Variants in KAT6A observed in about 807,000 individuals in gnomAD.
KAT6A encodes histone acetyltransferase KAT6A.
In KAT6A, 9 loss-of-function variants were observed where a neutral mutation model predicts 198.4. That is an observed-to-expected ratio of 0.05 (90% CI 0.03 to 0.08). The LOEUF is 0.08. KAT6A is among the 10% of genes least tolerant of loss of function. The pLI, the probability that KAT6A is intolerant of heterozygous loss-of-function variation, is 1.00. For synonymous variants in KAT6A, 890 were observed against 883.0 expected (o/e 1.01, Z -0.14); for missense variants, 2,077 against 2,509.9 (o/e 0.83, Z 3.69).
chr8:41,930,708 G>A lies in KAT6A; in HGVS notation c.*1497C>T, dbSNP rs188069161. ...TGTGTGTGTGTGTGTGTGTGTGTGT[G>A]TGTATATATATATATATATATTTTT... On this transcript the variant is annotated 3_prime_UTR_variant, in exon 17 of 17. Transcript: ENST00000265713. 0.2 allele frequency: 15,885 copies of A among 78,068 alleles called. 1,842 individuals carry two copies. The highest frequency in any genetic ancestry group is 0.26 in the South Asian group (639 of 2,474). 4.8% of individuals were successfully genotyped at this position (78,068 alleles called of 1,614,324 possible). A position where few individuals can be genotyped will look rare whatever the true frequency, so the allele number is the denominator to read the frequency against.
chr8:41,959,627 G>A (rs1001374353), intron 8 of KAT6A, among the ~76,000 whole-genome samples: 1 of 152,154 alleles, frequency 6.6e-6, no homozygotes, highest in Admixed American at 6.5e-5. Context: ...AACCAAATGT[G>A]GTACATACGT....
chr8:41,930,921 AC>A lies in KAT6A; in HGVS notation c.*1283del, dbSNP rs1465410929. The stretch of plus-strand genomic sequence containing the variant: ...CTGTCCCTCTTCTCATTAGCCACTC[AC>A]AGGAGAGGTGCTTGTGCACTCTGAT... On this transcript the variant is annotated 3_prime_UTR_variant, in exon 17 of 17. Coordinates refer to ENST00000265713, the MANE Select transcript of KAT6A (RefSeq NM_006766.5). The A allele has an allele frequency of 4.8e-6, 1 of 209,726 alleles. No homozygotes were observed. The highest frequency in any genetic ancestry group is 9.7e-6 in the Non-Finnish European group (1 of 103,182). The allele number at this position is 209,726 out of a possible 1,614,324, so 13.0% of individuals were successfully genotyped here.
chr8:42,011,097 C>T (rs542764578), intron 2 of KAT6A, among the ~76,000 whole-genome samples: 1 of 152,304 alleles, frequency 6.6e-6, no homozygotes, highest in African/African-American at 2.4e-5. Flanking sequence ...TATGCACTAA[C>T]AAATCGCCCT....
At chr8:41,950,671 A>C (rs562596914) in intron 9 of KAT6A, among the ~76,000 whole-genome samples, 1 of 152,352 alleles carries the variant, frequency 6.6e-6, no homozygotes, top group South Asian at 2.1e-4. Flanking sequence ...AAAATGATAG[A>C]GTAAAAAACA....
At chr8:41,987,061 A>C (rs945625687) in intron 3 of KAT6A, among the ~76,000 whole-genome samples, 1 of 152,012 alleles carries the variant, frequency 6.6e-6, no homozygotes, top group Non-Finnish European at 1.5e-5. Context: ...AAAAAACCAG[A>C]CCACATATGA....
Position 41,978,628 on chromosome 8 carries a change from C to T in KAT6A, c.1043+14G>A, listed in dbSNP as rs374064489. The stretch of plus-strand genomic sequence containing the variant: ...ATCCTTTTCTCCCCTCACCTTGCCA[C>T]AAGTACAACTTACACCGTGTTTTGT... On this transcript the variant is annotated intron_variant, in intron 6 of 16. Coordinates refer to ENST00000265713, the MANE Select transcript of KAT6A (RefSeq NM_006766.5). 1.9e-6 allele frequency: 3 copies of T among 1,613,196 alleles called. No homozygotes were observed. Among genetic ancestry groups the T allele is most frequent in the South Asian group, 1.1e-5 (1 of 91,018 alleles).
intron 2 of KAT6A, among the ~76,000 whole-genome samples, chr8:42,026,404 C>A (rs1173385441): frequency 6.6e-6 from 1 of 152,134 alleles, no homozygotes; most frequent in Non-Finnish European, 1.5e-5. Context: ...AATCCATGAA[C>A]AGGGGATGTC....
At chr8:41,944,041 C>G in intron 12 of KAT6A, 62 bp from the exon 13 acceptor site, 4 of 1,096,100 alleles carry the variant, frequency 3.6e-6, no homozygotes, top group Non-Finnish European at 5.4e-6. Flanking sequence ...ACTGGATTCA[C>G]CAAAATAACA....
rs142174569 is a variant in KAT6A, at chr8:42,005,763, TACACACACACACACACAC to T, written c.601-18218_601-18201del. Among the ~76,000 whole-genome samples the T allele has an allele frequency of 3.4e-4, 49 of 142,138 alleles. 1 individual carries two copies. The highest frequency in any genetic ancestry group is 7.2e-3 in the Middle Eastern group (2 of 276). 93.2% of individuals were successfully genotyped at this position (142,138 alleles called of 152,430 possible). A position where few individuals can be genotyped will look rare whatever the true frequency, so the allele number is the denominator to read the frequency against. ...CACATATTCAAATGCTGCAAGCAAATACACACACACACACACACACACACACACACACACACTCACTCT... is the reference window on the plus strand; with the variant it reads ...CACATATTCAAATGCTGCAAGCAAATACACACACACACACACACTCACTCT... On this transcript the variant is annotated intron_variant, in intron 2 of 16. Coordinates refer to ENST00000265713, the MANE Select transcript of KAT6A (RefSeq NM_006766.5).
intron 2 of KAT6A, among the ~76,000 whole-genome samples, chr8:42,022,784 A>G (rs555584708): frequency 1.6e-4 from 24 of 152,366 alleles, no homozygotes; most frequent in Non-Finnish European, 3.2e-4. Context: ...AAAAAAAATT[A>G]GAAACAAATG....
At position 42,038,714 on chromosome 8, in the gene KAT6A, C is replaced by T. The variant is rs77555310; in HGVS notation, c.600+9664G>A. On this transcript the variant is annotated intron_variant, in intron 2 of 16. Coordinates refer to ENST00000265713, the MANE Select transcript of KAT6A (RefSeq NM_006766.5). ...AGATTGCTACTGGCTGAACATTCTACACAATGCAGAAGATACAAGTCTTTT... is the reference window on the plus strand; with the variant it reads ...AGATTGCTACTGGCTGAACATTCTATACAATGCAGAAGATACAAGTCTTTT... 3.4e-3 allele frequency among the ~76,000 whole-genome samples: 512 copies of T among 152,318 alleles called. 6 individuals are homozygous for T. Among genetic ancestry groups the T allele is most frequent in the African/African-American group, 0.012 (490 of 41,558 alleles).
At chr8:41,967,402 C>T (rs1367655422) in intron 8 of KAT6A, among the ~76,000 whole-genome samples, 3 of 150,056 alleles carry the variant, frequency 2.0e-5, no homozygotes, top group South Asian at 4.2e-4. Flanking sequence ...CCCACTAACT[C>T]GTCATCTAGC....
intron 11 of KAT6A, 27 bp downstream of exon 11, chr8:41,947,724 A>C (rs1564015742): frequency 6.4e-7 from 1 of 1,571,042 alleles, no homozygotes. Flanking sequence ...ATATGAGTTC[A>C]AACAAACTTT....
intron 1 of KAT6A, 72 bp from the exon 2 acceptor site, chr8:42,049,374 T>C (rs943579126): frequency 3.6e-5 from 8 of 224,822 alleles, no homozygotes; most frequent in African/African-American, 1.8e-4. Context: ...ATCCTCATCA[T>C]AAAGCAATCA....
chr8:42,051,500 C>A (rs1255560126), intron 1 of KAT6A, among the ~76,000 whole-genome samples: 1 of 146,154 alleles, frequency 6.8e-6, no homozygotes, highest in African/African-American at 2.5e-5. Context: ...GGTGGGCGCG[C>A]CCCGAGGGAG....
chr8:41,946,493 TACACACACACACACACACACACAC>T (rs60247515), intron 12 of KAT6A, 74 bp downstream of exon 12: 49 of 323,596 alleles, frequency 1.5e-4, no homozygotes, highest in Admixed American at 2.4e-4. Flanking sequence ...TATATATATA[TACACACACACACACACACACACAC>T]ACACACACAC....
chr8:42,009,394 CAT>C (rs1338325775), intron 2 of KAT6A, among the ~76,000 whole-genome samples: 2 of 150,668 alleles, frequency 1.3e-5, no homozygotes, highest in African/African-American at 4.9e-5. Flanking sequence ...GCTGAACAAC[CAT>C]ATACAGCACC....
intron 2 of KAT6A, among the ~76,000 whole-genome samples, chr8:42,018,041 A>T (rs745887703): frequency 1.3e-5 from 2 of 152,250 alleles, no homozygotes; most frequent in Non-Finnish European, 2.9e-5. Context: ...TATAGGAGGC[A>T]TGACTAAAGC....
intron 3 of KAT6A, among the ~76,000 whole-genome samples, chr8:41,984,939 C>A (rs565712171): frequency 6.7e-6 from 1 of 150,074 alleles, no homozygotes; most frequent in African/African-American, 2.5e-5. Flanking sequence ...GCCGAGATCA[C>A]GCCACTGCAC....
Sources: allele counts gnomAD v4.1 joint callset (sites outside exome capture counted in the v4.1 genomes callset), GRCh38; gene constraint gnomAD v4.1.1; transcripts MANE v1.5; gene names NCBI Gene and HGNC (gene_info 2026-07-23, HGNC 2026-07-21).